Variants in NFATC2 observed in about 807,000 individuals in gnomAD.
The protein encoded by NFATC2 is nuclear factor of activated T cells 2.
In NFATC2, 22 loss-of-function variants were observed where a neutral mutation model predicts 87.3. That is an observed-to-expected ratio of 0.25 (90% CI 0.18 to 0.36). The LOEUF is 0.36. NFATC2 is among the 10% of genes least tolerant of loss of function. The probability of loss-of-function intolerance (pLI) is 1.00; values close to 1 mark genes in which losing one functional copy is unlikely to be tolerated. For missense variants in NFATC2, 1,149 were observed against 1,259.1 expected (o/e 0.91, Z 1.32); for synonymous variants, 565 against 542.2 (o/e 1.04, Z -0.58).
chr20:51,437,112 CAAAAAA>C (rs3029278), intron 6 of NFATC2, among the ~76,000 whole-genome samples: 2 of 130,752 alleles, frequency 1.5e-5, no homozygotes, highest in African/African-American at 3.1e-5. Flanking sequence ...GAAGTTGGGC[CAAAAAA>C]AAAAAAAAAA....
chr20:51,523,801 G>C lies in NFATC2; in HGVS notation c.440C>G (p.Ala147Gly). ...VEQPPLAGVA[A>G]SPRFTLPVPG... ...CACGGGCAGGGTGAACCTCGGGCTG[G>C]CGGCCACCCCGGCCAGGGGCGGCTG... The change falls in exon 2 of 11, where the codon GCC (alanine) becomes GGC (glycine). Residue 147 changes from alanine to glycine, a missense_variant. Ala to Gly is a moderately conservative substitution (Grantham distance 60). Coordinates refer to ENST00000371564, the MANE Select transcript of NFATC2 (RefSeq NM_012340.5). This position sits in a 1 kb window ranked among gnomAD's most constrained non-coding sequence, Gnocchi z 6.9. 6.2e-7 allele frequency: 1 copy of C among 1,609,398 alleles called. No individual in the cohort carries two copies. The highest frequency in any genetic ancestry group is 8.5e-7 in the Non-Finnish European group (1 of 1,177,772).
In NFATC2 at chr20:51,432,086, G is replaced by T. The variant is rs918759752; in HGVS notation, c.2703C>A (p.Asp901Glu). The change falls in exon 9 of 11, where the codon GAC becomes GAA. Residue 901 changes from aspartate (D) to glutamate (E), a missense_variant. Around this residue, in one of 3 missense-constraint regions of NFATC2, gnomAD observed 581 missense variants for 649.7 expected, o/e 0.89. Coordinates refer to ENST00000371564, the MANE Select transcript of NFATC2 (RefSeq NM_012340.5). The surrounding 1 kb of genome is among the most constrained non-coding windows in gnomAD (Gnocchi z 4.6). ...GVTIKQEQNL[D>E]QTYLDDELID... is the part of the protein sequence containing the mutation. ...TCTTACCATCATCCAAGTAGGTCTG[G>T]TCCAAGTTCTGCTCCTGTTTAATGG... The T allele has an allele frequency of 1.3e-6, 2 of 1,533,452 alleles. No individual in the cohort carries two copies. The highest frequency in any genetic ancestry group is 1.8e-6 in the Non-Finnish European group (2 of 1,137,186). 95.0% of individuals were successfully genotyped at this position (1,533,452 alleles called of 1,614,324 possible). A position where few individuals can be genotyped will look rare whatever the true frequency, so the allele number is the denominator to read the frequency against.
chr20:51,461,627 A>C (rs1987160484), intron 5 of NFATC2, among the ~76,000 whole-genome samples: 1 of 152,238 alleles, frequency 6.6e-6, no homozygotes, highest in African/African-American at 2.4e-5. Context: ...GCCACCGCAA[A>C]GGTTCAGCGA....
At chr20:51,482,351 T>C (rs546372585) in intron 3 of NFATC2, among the ~76,000 whole-genome samples, 1 of 131,878 alleles carries the variant, frequency 7.6e-6, no homozygotes, top group South Asian at 2.4e-4. Flanking sequence ...TCAATATCTG[T>C]TGATTCTTGC....
chr20:51,560,792 G>A (rs1275908073), intron 1 of NFATC2, among the ~76,000 whole-genome samples: 1 of 152,234 alleles, frequency 6.6e-6, no homozygotes, highest in Non-Finnish European at 1.5e-5. Context: ...GGGCTGGGGA[G>A]GGTAGCTATT....
chr20:51,426,450 C>A (rs1441562540), intron 9 of NFATC2, among the ~76,000 whole-genome samples: 2 of 151,742 alleles, frequency 1.3e-5, no homozygotes, highest in African/African-American at 4.9e-5. Context: ...TGCACTCCAG[C>A]CTGGGCAACA....
At chr20:51,460,639 CTTT>C (rs11479407) in intron 5 of NFATC2, among the ~76,000 whole-genome samples, 1 of 145,728 alleles carries the variant, frequency 6.9e-6, no homozygotes, top group Admixed American at 6.8e-5. Flanking sequence ...GTTTCTTCTT[CTTT>C]TTTTTTTTTT....
intron 9 of NFATC2, among the ~76,000 whole-genome samples, chr20:51,431,089 T>A (rs904007660): frequency 4.6e-5 from 7 of 152,218 alleles, no homozygotes; most frequent in Non-Finnish European, 1.0e-4. Context: ...CCATTCTCTA[T>A]ATGTGCTTAT....
At chr20:51,483,612 C>T (rs1264226715) in intron 3 of NFATC2, among the ~76,000 whole-genome samples, 13 of 149,294 alleles carry the variant, frequency 8.7e-5, no homozygotes, top group Admixed American at 8.0e-4. Context: ...CCTCTCCCCC[C>T]CACCACACAC....
intron 1 of NFATC2, among the ~76,000 whole-genome samples, chr20:51,557,901 G>A (rs1249197757): frequency 6.6e-6 from 1 of 152,190 alleles, no homozygotes; most frequent in Non-Finnish European, 1.5e-5. Flanking sequence ...TGGAGGACAT[G>A]GACAAATAGT....
At chr20:51,418,066 C>G (rs910156) in intron 9 of NFATC2, among the ~76,000 whole-genome samples, 95,537 of 152,062 alleles carry the variant, frequency 0.63, 34,205 homozygotes, top group Non-Finnish European at 0.81. Flanking sequence ...GCAACATCTT[C>G]TGACCCTGGG....
chr20:51,483,068 C>T (rs1321135704), intron 3 of NFATC2, among the ~76,000 whole-genome samples: 2 of 152,200 alleles, frequency 1.3e-5, no homozygotes, highest in African/African-American at 2.4e-5. Context: ...TGCCTCTCTT[C>T]CCGCAACCCA....
intron 1 of NFATC2, among the ~76,000 whole-genome samples, chr20:51,561,339 G>GAA (rs1568764974): frequency 9.3e-6 from 1 of 107,438 alleles, no homozygotes; most frequent in Non-Finnish European, 2.1e-5. Context: ...AAAAAAAAAA[G>GAA]AAAGAAAGAG....
upstream of NFATC2, among the ~76,000 whole-genome samples, chr20:51,544,874 G>C (rs917328613): frequency 3.9e-5 from 6 of 152,172 alleles, no homozygotes; most frequent in Admixed American, 1.3e-4. Context: ...GGGGCCTGGG[G>C]GCTGGCTCAG....
chr20:51,398,422 G>A (rs142468729), intron 10 of NFATC2, among the ~76,000 whole-genome samples: 22 of 152,148 alleles, frequency 1.4e-4, no homozygotes, highest in African/African-American at 4.1e-4. Context: ...AGTTAATGGG[G>A]CCTCATCCCC....
chr20:51,498,081 A>G (rs751904630), intron 3 of NFATC2, among the ~76,000 whole-genome samples: 9 of 152,206 alleles, frequency 5.9e-5, no homozygotes, highest in African/African-American at 1.2e-4. Flanking sequence ...AGCGAGCCCA[A>G]TTCATGTTGG....
intron 6 of NFATC2, among the ~76,000 whole-genome samples, chr20:51,449,020 C>G (rs1300484986): frequency 6.6e-6 from 1 of 152,168 alleles, no homozygotes; most frequent in Non-Finnish European, 1.5e-5. Context: ...GGAGTGGAAA[C>G]TGCCAATTCC....
intron 5 of NFATC2, among the ~76,000 whole-genome samples, chr20:51,461,990 G>A (rs772848467): frequency 2.6e-5 from 4 of 152,026 alleles, no homozygotes; most frequent in Non-Finnish European, 4.4e-5. Flanking sequence ...GTGGTGGTAC[G>A]TGCCTGGAAT....
chr20:51,476,629 G>A (rs1988739727), intron 3 of NFATC2, among the ~76,000 whole-genome samples: 1 of 152,138 alleles, frequency 6.6e-6, no homozygotes, highest in African/African-American at 2.4e-5. Context: ...CTCTCTGAGA[G>A]CAGAGATGTT....
Sources: allele counts gnomAD v4.1 joint callset (sites outside exome capture counted in the v4.1 genomes callset), GRCh38; gene constraint gnomAD v4.1.1; regional missense constraint gnomAD v4.1.1; non-coding constraint Gnocchi (gnomAD v3.1); transcripts MANE v1.5; gene names NCBI Gene and HGNC (gene_info 2026-07-23, HGNC 2026-07-21).